Variants in GPHN observed in about 807,000 individuals in gnomAD.
GPHN encodes the protein gephyrin.
A neutral mutation model predicts 95.5 loss-of-function variants in GPHN; 17 were observed. That is an observed-to-expected ratio of 0.18 (90% CI 0.12 to 0.27). GPHN has a LOEUF of 0.27. GPHN is among the 10% of genes least tolerant of loss of function. The pLI, the probability that GPHN is intolerant of heterozygous loss-of-function variation, is 1.00. For missense variants in GPHN, 660 were observed against 978.1 expected, an observed-to-expected ratio of 0.67 and a Z score of 4.34; for synonymous variants, 320 against 322.5, an observed-to-expected ratio of 0.99 and a Z score of 0.08.
At chr14:66,692,196 G>A (rs2067825257) in intron 2 of GPHN, among the ~76,000 whole-genome samples, 1 of 152,066 alleles carries the variant, frequency 6.6e-6, no homozygotes, top group South Asian at 2.1e-4. Context: ...CCTTCTTATA[G>A]TCCTGGGTGC....
At chr14:66,696,754 T>A (rs1566832088) in intron 2 of GPHN, among the ~76,000 whole-genome samples, 1 of 152,210 alleles carries the variant, frequency 6.6e-6, no homozygotes, top group Non-Finnish European at 1.5e-5. Flanking sequence ...TCTCAGAACC[T>A]CTGGTATTCA....
intron 9 of GPHN, among the ~76,000 whole-genome samples, chr14:67,021,501 T>G (rs1453265504): frequency 1.3e-5 from 2 of 152,118 alleles, no homozygotes; most frequent in Non-Finnish European, 2.9e-5. Flanking sequence ...ATTCATGTTA[T>G]GAATGATTTT....
intron 9 of GPHN, among the ~76,000 whole-genome samples, chr14:66,984,204 T>C (rs1268624716): frequency 6.6e-6 from 1 of 152,156 alleles, no homozygotes; most frequent in African/African-American, 2.4e-5. Flanking sequence ...AATCTAGATA[T>C]TGTGAATCTG....
At chr14:67,644,055 C>A in the GPHN span, among the ~76,000 whole-genome samples, 1 of 152,086 alleles carries the variant, frequency 6.6e-6, no homozygotes, top group East Asian at 1.9e-4. Flanking sequence ...GTTTGGGGAC[C>A]ACTGATCAAT....
the GPHN span, among the ~76,000 whole-genome samples, chr14:67,237,162 A>C: frequency 1.6e-3 from 237 of 151,994 alleles, no homozygotes; most frequent in African/African-American, 5.5e-3. Context: ...TTTGTTTCAT[A>C]ATTTCTCTTT....
intron 8 of GPHN, among the ~76,000 whole-genome samples, chr14:66,942,635 T>A (rs2067495204): frequency 6.6e-6 from 1 of 152,212 alleles, no homozygotes; most frequent in African/African-American, 2.4e-5. Context: ...CTTTAGACAT[T>A]AGAATTTTTG....
chr14:67,258,989 C>T, the GPHN span, among the ~76,000 whole-genome samples: 634 of 151,898 alleles, frequency 4.2e-3, 5 homozygotes, highest in Non-Finnish European at 7.7e-3. Context: ...ACTACAGGCG[C>T]GTGCCACCAT....
intron 1 of GPHN, among the ~76,000 whole-genome samples, chr14:66,529,492 A>G (rs1235357006): frequency 2.6e-5 from 4 of 152,042 alleles, no homozygotes; most frequent in African/African-American, 7.2e-5. Flanking sequence ...TTATCCGTCC[A>G]GTTTTGTTCC....
At chr14:66,892,918 C>T (rs1179452722) in intron 5 of GPHN, among the ~76,000 whole-genome samples, 1 of 152,074 alleles carries the variant, frequency 6.6e-6, no homozygotes, top group Non-Finnish European at 1.5e-5. Flanking sequence ...TACCAGAGTT[C>T]CTTTTATAGC....
chr14:66,837,615 AAATAAAT>A (rs2061899454), intron 4 of GPHN, among the ~76,000 whole-genome samples: 2 of 58,226 alleles, frequency 3.4e-5, no homozygotes, highest in African/African-American at 5.3e-4. Flanking sequence ...AAATAAATAA[AAATAAAT>A]AAATAAATAA....
At chr14:67,022,925 C>G (rs1365916345) in intron 9 of GPHN, among the ~76,000 whole-genome samples, 1 of 151,884 alleles carries the variant, frequency 6.6e-6, no homozygotes, top group Non-Finnish European at 1.5e-5. Context: ...AAGAATGTTT[C>G]ACATTGACTT....
chr14:67,564,106 T>G, the GPHN span, among the ~76,000 whole-genome samples: 12 of 152,006 alleles, frequency 7.9e-5, no homozygotes, highest in Admixed American at 5.9e-4. Flanking sequence ...TTTCACCATG[T>G]TAGCCAGGAT....
At chr14:67,679,014 C>T in the GPHN span, among the ~76,000 whole-genome samples, 13,737 of 152,108 alleles carry the variant, frequency 0.09, 873 homozygotes, top group East Asian at 0.23. Flanking sequence ...TAACAGAATA[C>T]GACAAACTGG....
the GPHN span, chr14:67,199,174 C>A: frequency 1.2e-6 from 2 of 1,603,092 alleles, no homozygotes; most frequent in Non-Finnish European, 8.5e-7. Flanking sequence ...CAGGCTGGAC[C>A]AGTAGTCAAC....
At chr14:66,543,752 C>T (rs1306787042) in intron 1 of GPHN, among the ~76,000 whole-genome samples, 2 of 152,194 alleles carry the variant, frequency 1.3e-5, no homozygotes, top group Non-Finnish European at 2.9e-5. Context: ...ACGATCAAAC[C>T]ATGAAAACAT....
the GPHN span, among the ~76,000 whole-genome samples, chr14:67,707,060 T>C: frequency 6.6e-6 from 1 of 152,238 alleles, no homozygotes; most frequent in East Asian, 1.9e-4. Flanking sequence ...GGTTTATGTA[T>C]GTAAATAGGT....
chr14:67,027,107 G>T (rs960582570), intron 10 of GPHN, among the ~76,000 whole-genome samples: 10 of 152,146 alleles, frequency 6.6e-5, no homozygotes, highest in Non-Finnish European at 1.5e-4. Flanking sequence ...GATTATCAGT[G>T]CCAAAATTGT....
chr14:67,262,894 A>G, the GPHN span, among the ~76,000 whole-genome samples: 3 of 152,262 alleles, frequency 2.0e-5, no homozygotes, highest in African/African-American at 7.2e-5. Context: ...TTTAAACCAC[A>G]TGTTTAAAAA....
chr14:67,005,671 G>A (rs967334031), intron 9 of GPHN, among the ~76,000 whole-genome samples: 10 of 151,784 alleles, frequency 6.6e-5, no homozygotes, highest in South Asian at 2.1e-4. Flanking sequence ...ATGAATAAGC[G>A]TCAATGCATT....
Sources: gnomAD v4.1 joint callset for allele counts (sites outside exome capture counted in the v4.1 genomes callset) on GRCh38, gnomAD v4.1.1 for gene constraint, MANE v1.5 for transcripts, NCBI Gene and HGNC (gene_info 2026-07-23, HGNC 2026-07-21) for gene names.